RBFOX1: variants seen among roughly 807,000 people sequenced by gnomAD.
RBFOX1 encodes RNA binding fox-1 homolog 1, also known as RNA binding protein fox-1 homolog 1.
RBFOX1 carries 8 observed loss-of-function variants against 57.7 expected under a neutral mutation model. The observed-to-expected ratio is 0.14, with a 90% CI of 0.08 to 0.25. RBFOX1 has a LOEUF of 0.25. RBFOX1 is among the 10% of genes least tolerant of loss of function. The pLI is 1.00. For synonymous variants in RBFOX1, 326 were observed against 222.4 expected (o/e 1.47, Z -4.15); for missense variants, 611 against 548.5 (o/e 1.11, Z -1.14).
intron 5 of RBFOX1, among the ~76,000 whole-genome samples, chr16:7,532,687 G>T (rs570867061): frequency 6.6e-6 from 1 of 152,334 alleles, no homozygotes; most frequent in African/African-American, 2.4e-5. Context: ...TAGCTCGTGG[G>T]CCGATTCCTG....
chr16:5,384,740 A>C (rs932555228), intron 1 of RBFOX1, among the ~76,000 whole-genome samples: 1 of 152,238 alleles, frequency 6.6e-6, no homozygotes, highest in East Asian at 1.9e-4. Context: ...TGGCCCGAAC[A>C]TCAAAGATAT....
At chr16:7,120,713 TAC>T (rs2066922663) in intron 4 of RBFOX1, among the ~76,000 whole-genome samples, 3 of 147,842 alleles carry the variant, frequency 2.0e-5, no homozygotes, top group African/African-American at 7.5e-5. Context: ...AAAAAAACTA[TAC>T]ACAGTCTCTT....
At position 5,867,189 on chromosome 16, in the gene RBFOX1, C is replaced by G. The variant is rs778734726; in HGVS notation, c.319-114C>G. ...GTGTGTGTGTGGTGTGTGTTGCAAC[C>G]TTTGTCCCCTCGGGTCATAACAAAT... On this transcript the variant is annotated intron_variant, in intron 3 of 19. Coordinates refer to the RBFOX1 transcript ENST00000641259. 17 of 561,090 alleles carry G rather than the reference C, an allele frequency of 3.0e-5. No individual in the cohort carries two copies. In the South Asian group the frequency reaches 1.2e-3, roughly 38 times the overall value. The allele number at this position is 561,090 out of a possible 1,614,324, so 34.8% of individuals were successfully genotyped here.
intron 3 of RBFOX1, among the ~76,000 whole-genome samples, chr16:6,933,192 C>G (rs1324825844): frequency 6.6e-6 from 1 of 152,194 alleles, no homozygotes; most frequent in South Asian, 2.1e-4. Context: ...GTGAATGATG[C>G]TATGAACGGG....
At chr16:6,961,773 T>C (rs1043219560) in intron 3 of RBFOX1, among the ~76,000 whole-genome samples, 8 of 152,188 alleles carry the variant, frequency 5.3e-5, no homozygotes, top group African/African-American at 1.4e-4. Context: ...GTCATGGCAC[T>C]AGTGAGAGTG....
At chr16:7,656,897 A>G (rs1256585940) in intron 12 of RBFOX1, among the ~76,000 whole-genome samples, 3 of 152,210 alleles carry the variant, frequency 2.0e-5, no homozygotes, top group African/African-American at 7.2e-5. Flanking sequence ...TATGGGGTAT[A>G]TATAAGTCCA....
chr16:7,551,873 A>G (rs987797110), intron 5 of RBFOX1, among the ~76,000 whole-genome samples: 1 of 152,158 alleles, frequency 6.6e-6, no homozygotes, highest in Non-Finnish European at 1.5e-5. Flanking sequence ...TAGGTTTCAT[A>G]AAGAAGTGCA....
At chr16:6,409,734 C>A (rs767111421) in intron 2 of RBFOX1, among the ~76,000 whole-genome samples, 1 of 152,134 alleles carries the variant, frequency 6.6e-6, no homozygotes, top group Non-Finnish European at 1.5e-5. Flanking sequence ...CTGTCTTAAG[C>A]CAGCAAGAAA....
rs1023996720 is a variant in RBFOX1 at position 7,618,403 on chromosome 16, C to A, written c.676+11065C>A. Among the ~76,000 whole-genome samples the A allele has an allele frequency of 7.2e-5, 11 of 152,090 alleles. No individual in the cohort carries two copies. The East Asian group carries it at 2.1e-3, about 29-fold the overall frequency. ...GAGCAGATTATCAACTGTTCAGCAA[C>A]CCTGCAGATTGGGTTCTTAATTACT... is the stretch of plus-strand genomic sequence containing the variant. On this transcript the variant is annotated intron_variant, in intron 10 of 15. Transcript: ENST00000550418.
intron 3 of RBFOX1, among the ~76,000 whole-genome samples, chr16:5,867,141 A>G (rs1377041884): frequency 7.0e-6 from 1 of 142,020 alleles, no homozygotes; most frequent in Non-Finnish European, 1.5e-5. Flanking sequence ...GCTTGGTGGA[A>G]GAAAATGCAT....
chr16:6,677,425 G>C (rs1407153154), intron 3 of RBFOX1, among the ~76,000 whole-genome samples: 2 of 152,084 alleles, frequency 1.3e-5, no homozygotes, highest in Non-Finnish European at 1.5e-5. Flanking sequence ...ATTAGTCTAA[G>C]ATCCATGGAC....
At chr16:6,939,506 CTTTTTTTTT>C (rs796218936) in intron 3 of RBFOX1, among the ~76,000 whole-genome samples, 4 of 112,890 alleles carry the variant, frequency 3.5e-5, no homozygotes, top group African/African-American at 3.1e-5. Context: ...ATTTTTCTTT[CTTTTTTTTT>C]TTTTCTTTTT....
At chr16:7,389,816 G>C (rs984857151) in intron 4 of RBFOX1, among the ~76,000 whole-genome samples, 1 of 152,136 alleles carries the variant, frequency 6.6e-6, no homozygotes, top group Non-Finnish European at 1.5e-5. Flanking sequence ...CTTAAGGCTT[G>C]ATATGCATAC....
chr16:7,362,391 GTGTGAT>G (rs983826349), intron 4 of RBFOX1, among the ~76,000 whole-genome samples: 9 of 151,866 alleles, frequency 5.9e-5, no homozygotes, highest in African/African-American at 1.7e-4. Context: ...GTTAATGTGT[GTGTGAT>G]TGTGTGTATA....
chr16:6,963,719 G>T (rs1331284808), intron 3 of RBFOX1, among the ~76,000 whole-genome samples: 1 of 152,018 alleles, frequency 6.6e-6, no homozygotes, highest in Non-Finnish European at 1.5e-5. Context: ...ATTTTTTTGA[G>T]ATGGAGTCTT....
chr16:5,490,083 G>C (rs2042776050), intron 2 of RBFOX1, among the ~76,000 whole-genome samples: 1 of 152,226 alleles, frequency 6.6e-6, no homozygotes, highest in Non-Finnish European at 1.5e-5. Flanking sequence ...CCTGTCCTCA[G>C]CTTCTACTGT....
chr16:5,916,337 ACTGT>A (rs1469788704), intron 4 of RBFOX1, among the ~76,000 whole-genome samples: 2 of 152,034 alleles, frequency 1.3e-5, no homozygotes, highest in Non-Finnish European at 2.9e-5. Flanking sequence ...TTTTTGTCTT[ACTGT>A]CTATCAGCTT....
chr16:6,441,681 G>A (rs1241940928), intron 2 of RBFOX1, among the ~76,000 whole-genome samples: 2 of 152,140 alleles, frequency 1.3e-5, no homozygotes, highest in Non-Finnish European at 2.9e-5. Flanking sequence ...GCCTCTCAAA[G>A]TGCTCGGATT....
chr16:6,122,960 TA>T (rs5815286), intron 1 of RBFOX1, among the ~76,000 whole-genome samples: 1,962 of 147,672 alleles, frequency 0.013, 45 homozygotes, highest in African/African-American at 0.044. Context: ...CAGCAAACCA[TA>T]AAAAAAAAAA....
Sources: allele counts gnomAD v4.1 joint callset (sites outside exome capture counted in the v4.1 genomes callset), GRCh38; gene constraint gnomAD v4.1.1; transcripts MANE v1.5; gene names NCBI Gene and HGNC (gene_info 2026-07-23, HGNC 2026-07-21).